The following STARD13 variants were observed in gnomAD, a reference collection of about 807,000 sequenced individuals.
The protein encoded by STARD13 is stAR-related lipid transfer protein 13.
In STARD13, 62 loss-of-function variants were observed where a neutral mutation model predicts 106.4. The ratio of observed to expected loss-of-function variants is 0.58; its 90% CI spans 0.48 to 0.72. STARD13 has a LOEUF of 0.72. Ranked by LOEUF, STARD13 falls within the 30% of genes least tolerant of loss-of-function variation. The pLI is 0.00. For synonymous variants in STARD13, 565 were observed against 553.0 expected, an observed-to-expected ratio of 1.02 and a Z score of -0.31; for missense variants, 1,387 against 1,424.0, an observed-to-expected ratio of 0.97 and a Z score of 0.42.
intron 11 of STARD13, 73 bp downstream of exon 11, chr13:33,110,613 C>T (rs1379778387): frequency 1.5e-6 from 2 of 1,326,066 alleles, no homozygotes; most frequent in African/African-American, 2.9e-5. Context: ...CAGCTGTTTT[C>T]AATGCAAAAA....
chr13:33,185,175 C>A (rs1453917899), intron 1 of STARD13, among the ~76,000 whole-genome samples: 1 of 152,176 alleles, frequency 6.6e-6, no homozygotes, highest in Admixed American at 6.5e-5. Flanking sequence ...GCACTCTAGA[C>A]ATTTATGATG....
chr13:33,571,809 T>A, the STARD13 span, among the ~76,000 whole-genome samples: 169 of 152,246 alleles, frequency 1.1e-3, 2 homozygotes, highest in African/African-American at 3.7e-3. Flanking sequence ...AACTGGATGC[T>A]ATGAAGTGGA....
chr13:33,136,175 A>AGTGT lies in STARD13; in HGVS notation c.388-5890_388-5887dup, dbSNP rs551761627. 9.9e-5 allele frequency among the ~76,000 whole-genome samples: 15 copies of AGTGT among 152,182 alleles called. No homozygotes were observed. In the South Asian group the frequency reaches 3.1e-3, roughly 32 times the overall value. ...ATTTGCAGTCAAAGTGCTTGTTCAA[A>AGTGT]GTGTGCATATAGGCATTTAATTTGA... On this transcript the variant is annotated intron_variant, in intron 4 of 13. Transcript: ENST00000336934.
chr13:33,643,269 C>T, the STARD13 span, among the ~76,000 whole-genome samples: 1 of 152,110 alleles, frequency 6.6e-6, no homozygotes. Flanking sequence ...AAATCTTCAG[C>T]AGTCCCTGAT....
chr13:33,454,295 A>G, the STARD13 span, among the ~76,000 whole-genome samples: 2 of 152,140 alleles, frequency 1.3e-5, no homozygotes, highest in African/African-American at 4.8e-5. Flanking sequence ...CTTTCTTGGA[A>G]CTGCACTGTG....
chr13:33,110,602 G>A, intron 11 of STARD13, 84 bp downstream of exon 11: 1 of 1,160,566 alleles, frequency 8.6e-7, no homozygotes, highest in Non-Finnish European at 1.3e-6. Flanking sequence ...TGTGGACACA[G>A]CAGCTGTTTT....
the STARD13 span, among the ~76,000 whole-genome samples, chr13:33,457,156 A>G: frequency 2.0e-5 from 3 of 152,240 alleles, no homozygotes; most frequent in Admixed American, 6.5e-5. Context: ...AGGAGGATAG[A>G]TATGGAAGAA....
chr13:33,577,720 G>A, the STARD13 span, among the ~76,000 whole-genome samples: 1 of 151,906 alleles, frequency 6.6e-6, no homozygotes, highest in Non-Finnish European at 1.5e-5. Context: ...AATCTAAAAA[G>A]GATTATAGCC....
At chr13:33,424,734 T>C in the STARD13 span, among the ~76,000 whole-genome samples, 5 of 152,116 alleles carry the variant, frequency 3.3e-5, no homozygotes, top group African/African-American at 4.8e-5. Context: ...TGAGGAGCCA[T>C]GGAAGTGCTC....
chr13:33,435,478 C>A, the STARD13 span, among the ~76,000 whole-genome samples: 1 of 152,242 alleles, frequency 6.6e-6, no homozygotes, highest in African/African-American at 2.4e-5. Flanking sequence ...TAATTAAAAT[C>A]AAATAAAACT....
chr13:33,406,101 C>T, the STARD13 span, among the ~76,000 whole-genome samples: 1 of 152,222 alleles, frequency 6.6e-6, no homozygotes, highest in African/African-American at 2.4e-5. Context: ...ATTCACAGAA[C>T]TAGCAAGAGG....
intron 3 of STARD13, among the ~76,000 whole-genome samples, chr13:33,144,084 G>A (rs761652362): frequency 6.6e-6 from 1 of 152,070 alleles, no homozygotes; most frequent in Non-Finnish European, 1.5e-5. Context: ...TCAGACTGAG[G>A]TCCATCCCTT....
chr13:33,297,605 TA>T (rs59944626), intron 1 of STARD13, among the ~76,000 whole-genome samples: 1,942 of 144,682 alleles, frequency 0.013, 28 homozygotes, highest in African/African-American at 0.041. Flanking sequence ...TTTTGAAAAT[TA>T]AAAAAAAAAA....
At chr13:33,344,898 G>C (rs565000379), downstream of STARD13, among the ~76,000 whole-genome samples, 1 of 152,306 alleles carries the variant, frequency 6.6e-6, no homozygotes, top group Admixed American at 6.5e-5. Context: ...GAATCAGAAA[G>C]CTTTAGGAAA....
the STARD13 span, among the ~76,000 whole-genome samples, chr13:33,669,304 G>A: frequency 3.3e-5 from 5 of 152,120 alleles, no homozygotes; most frequent in African/African-American, 9.7e-5. Flanking sequence ...GATAAATGTA[G>A]TTCTGTCCAG....
chr13:33,577,721 G>C, the STARD13 span, among the ~76,000 whole-genome samples: 2 of 152,002 alleles, frequency 1.3e-5, no homozygotes, highest in Admixed American at 6.6e-5. Flanking sequence ...ATCTAAAAAG[G>C]ATTATAGCCC....
the STARD13 span, among the ~76,000 whole-genome samples, chr13:33,546,587 C>T: frequency 5.6e-3 from 850 of 152,058 alleles, 10 homozygotes; most frequent in African/African-American, 0.02. Flanking sequence ...CTGCTAAACT[C>T]ATTTTAATGA....
the STARD13 span, among the ~76,000 whole-genome samples, chr13:33,507,297 T>C: frequency 6.6e-6 from 1 of 152,202 alleles, no homozygotes; most frequent in Non-Finnish European, 1.5e-5. Context: ...TTTTTACATG[T>C]AAAACTCTTC....
the STARD13 span, among the ~76,000 whole-genome samples, chr13:33,409,738 C>A: frequency 6.6e-6 from 1 of 152,120 alleles, no homozygotes; most frequent in African/African-American, 2.4e-5. Context: ...CCTGCCTGAC[C>A]AAATAGAGGA....
Sources: gnomAD v4.1 joint callset for allele counts (sites outside exome capture counted in the v4.1 genomes callset) on GRCh38, gnomAD v4.1.1 for gene constraint, MANE v1.5 for transcripts, NCBI Gene and HGNC (gene_info 2026-07-23, HGNC 2026-07-21) for gene names.